MID1: variants seen among roughly 807,000 people sequenced by gnomAD.
MID1 encodes midline 1, also known as E3 ubiquitin-protein ligase Midline-1.
A neutral mutation model predicts 40.4 loss-of-function variants in MID1; 7 were observed. The ratio of observed to expected loss-of-function variants is 0.17; its 90% confidence interval spans 0.10 to 0.33. The LOEUF (loss-of-function observed/expected upper bound fraction) is 0.33, where lower values mean the gene tolerates loss of function less well. Among genes scored for constraint, MID1 ranks in the 10% least tolerant of loss-of-function variants. The pLI, the probability that MID1 is intolerant of heterozygous loss-of-function variation, is 1.00. For missense variants in MID1, 367 were observed against 558.5 expected (o/e 0.66, Z 3.46); for synonymous variants, 229 against 221.2 (o/e 1.04, Z -0.31).
intron 1 of MID1, among the ~76,000 whole-genome samples, chrX:10,717,180 A>C (rs184660216): frequency 0.01 from 1,140 of 111,644 alleles, 21 homozygotes; most frequent in African/African-American, 0.036. Flanking sequence ...ACAGGATCAA[A>C]TTCACACATA....
intron 1 of MID1, among the ~76,000 whole-genome samples, chrX:10,810,696 C>G (rs368750268): frequency 2.0e-4 from 20 of 101,122 alleles, no homozygotes; most frequent in Middle Eastern, 5.2e-3. Flanking sequence ...GTTGTTTTCT[C>G]TGTGTGTGTG....
chrX:10,679,839 G>A (rs933887271), intron 1 of MID1, among the ~76,000 whole-genome samples: 1 of 111,929 alleles, frequency 8.9e-6, no homozygotes, highest in Non-Finnish European at 1.9e-5. Context: ...AGGTAATGCT[G>A]ACCCCTTGGT....
At chrX:10,455,400 A>AAGAT (rs962095443) in intron 8 of MID1, among the ~76,000 whole-genome samples, 12 of 111,735 alleles carry the variant, frequency 1.1e-4, no homozygotes, top group Non-Finnish European at 1.9e-4. Flanking sequence ...TACCAGTTCT[A>AAGAT]AGATAGGGAT....
rs760698770 is a variant in MID1 at position 10,551,315 on chromosome X, T to C, written c.660+15573A>G. 1.9e-4 allele frequency among the ~76,000 whole-genome samples: 21 copies of C among 112,549 alleles called. No homozygotes were observed. In the East Asian group the frequency reaches 5.0e-3, roughly 27 times the overall value. Reference sequence around the variant, plus strand: ...GGGCCGATTGTATATGTACATGGTATTATTTTATCCTATCCTTTGTGAATC... The same window carrying C: ...GGGCCGATTGTATATGTACATGGTACTATTTTATCCTATCCTTTGTGAATC... On this transcript the variant is annotated intron_variant, in intron 2 of 9. Transcript: ENST00000317552.
chrX:10,676,869 C>T (rs1423945081), intron 1 of MID1, among the ~76,000 whole-genome samples: 1 of 111,432 alleles, frequency 9.0e-6, no homozygotes, highest in African/African-American at 3.3e-5. Context: ...CGGAGGTGTG[C>T]ATTTGCTTCT....
intron 1 of MID1, among the ~76,000 whole-genome samples, chrX:10,682,907 G>C (rs757085979): frequency 9.0e-6 from 1 of 111,624 alleles, no homozygotes; most frequent in South Asian, 3.8e-4. Context: ...GCAATCCACA[G>C]GCAAAGGGTC....
intron 1 of MID1, among the ~76,000 whole-genome samples, chrX:10,825,374 A>T (rs2044208213): frequency 8.9e-6 from 1 of 112,127 alleles, no homozygotes; most frequent in Admixed American, 9.4e-5. Flanking sequence ...TAATGGGAGA[A>T]TATTTGGAAG....
chrX:10,660,873 C>G (rs2042906757), intron 1 of MID1, among the ~76,000 whole-genome samples: 1 of 111,977 alleles, frequency 8.9e-6, no homozygotes, highest in Non-Finnish European at 1.9e-5. Context: ...CAATGAGGAT[C>G]TAATTTAATG....
At chrX:10,759,588 G>A (rs1390509859) in intron 1 of MID1, among the ~76,000 whole-genome samples, 1 of 110,336 alleles carries the variant, frequency 9.1e-6, no homozygotes, top group Admixed American at 9.6e-5. Context: ...GGACGGGGAG[G>A]GAGTGCCCTG....
At chrX:10,598,901 G>A (rs1318741821) in intron 1 of MID1, among the ~76,000 whole-genome samples, 1 of 111,681 alleles carries the variant, frequency 9.0e-6, no homozygotes, top group Non-Finnish European at 1.9e-5. Flanking sequence ...TAATAAATGG[G>A]GTGTTGGTTT....
chrX:10,453,656 G>A (rs1236572327), intron 9 of MID1, among the ~76,000 whole-genome samples: 1 of 112,201 alleles, frequency 8.9e-6, no homozygotes, highest in Non-Finnish European at 1.9e-5. Context: ...ATTTGTGTAG[G>A]TGTTGTCTGT....
chrX:10,576,557 C>T (rs765444751), intron 1 of MID1, among the ~76,000 whole-genome samples: 1 of 111,481 alleles, frequency 9.0e-6, no homozygotes, highest in Non-Finnish European at 1.9e-5. Context: ...CAGACAAGCA[C>T]AAAGACAAAT....
chrX:10,619,879 G>A (rs1173873717), intron 1 of MID1, among the ~76,000 whole-genome samples: 2 of 111,973 alleles, frequency 1.8e-5, no homozygotes, highest in Non-Finnish European at 3.8e-5. Flanking sequence ...GAGATAAGAG[G>A]CCCCGTGAAA....
chrX:10,552,836 T>C (rs1331237218), intron 2 of MID1, among the ~76,000 whole-genome samples: 1 of 112,136 alleles, frequency 8.9e-6, no homozygotes, highest in East Asian at 2.8e-4. Context: ...ATTACCTCTG[T>C]TTTACTGATG....
At chrX:10,825,990 T>C (rs950720088) in intron 1 of MID1, among the ~76,000 whole-genome samples, 8 of 111,399 alleles carry the variant, frequency 7.2e-5, no homozygotes, top group African/African-American at 2.6e-4. Flanking sequence ...TTTTTAAAGA[T>C]GGGGAAGATG....
chrX:10,699,945 C>T (rs887068823), intron 1 of MID1, among the ~76,000 whole-genome samples: 1 of 109,264 alleles, frequency 9.2e-6, no homozygotes, highest in Non-Finnish European at 1.9e-5. Context: ...GCCTCAGCCA[C>T]CCGAGTAGCT....
At chrX:10,661,375 C>T (rs752860379) in intron 1 of MID1, among the ~76,000 whole-genome samples, 7 of 107,383 alleles carry the variant, frequency 6.5e-5, no homozygotes, top group East Asian at 2.9e-4. Flanking sequence ...TGCAGTGGTG[C>T]GATCTCGGCT....
intron 7 of MID1, among the ~76,000 whole-genome samples, chrX:10,468,278 G>C (rs777182863): frequency 9.0e-6 from 1 of 111,401 alleles, no homozygotes; most frequent in African/African-American, 3.3e-5. Flanking sequence ...AGGAAGGTAG[G>C]GGGAGCCATT....
intron 1 of MID1, among the ~76,000 whole-genome samples, chrX:10,808,258 T>G (rs910022133): frequency 3.6e-5 from 4 of 112,003 alleles, no homozygotes; most frequent in African/African-American, 1.3e-4. Context: ...TGTCCTTCTC[T>G]GTGATTAAAT....
Sources: gnomAD v4.1 joint callset for allele counts (sites outside exome capture counted in the v4.1 genomes callset) on GRCh38, gnomAD v4.1.1 for gene constraint, MANE v1.5 for transcripts, NCBI Gene and HGNC (gene_info 2026-07-23, HGNC 2026-07-21) for gene names.